TSPAN33: variants seen among roughly 807,000 people sequenced by gnomAD.
TSPAN33 encodes the protein tetraspanin-33.
A neutral mutation model predicts 34.8 loss-of-function variants in TSPAN33; 27 were observed. That is an observed-to-expected ratio of 0.78 (90% confidence interval 0.57 to 1.07). The LOEUF is 1.07. TSPAN33 is among the 50% of genes least tolerant of loss of function. The pLI, the probability that TSPAN33 is intolerant of heterozygous loss-of-function variation, is 0.00. For missense variants in TSPAN33, 272 were observed against 324.9 expected, an observed-to-expected ratio of 0.84 and a Z score of 1.25; for synonymous variants, 119 against 124.2, an observed-to-expected ratio of 0.96 and a Z score of 0.28.
At chr7:129,157,119 A>AC (rs1470549613) in intron 1 of TSPAN33, among the ~76,000 whole-genome samples, 2 of 152,212 alleles carry the variant, frequency 1.3e-5, no homozygotes, top group Non-Finnish European at 2.9e-5. Flanking sequence ...TAAGGATTTT[A>AC]CAGAAAATTC....
rs931316553 is a variant in TSPAN33, at chr7:129,167,153, T to C, written c.589-246T>C. Among the ~76,000 whole-genome samples the C allele has an allele frequency of 2.6e-5, 4 of 152,256 alleles. No individual in the cohort carries two copies. The highest frequency in any genetic ancestry group is 2.9e-5 in the Non-Finnish European group (2 of 68,046). On this transcript the variant is annotated intron_variant, in intron 6 of 7. Transcript: ENST00000486685. The surrounding 1 kb of genome is among the most constrained non-coding windows in gnomAD (Gnocchi z 4.6). ...ATTCAGTACCTGTGCAGGTTTGTTA[T>C]ATAAGTAAACTTGTGTCTTAGGGGT... is the stretch of plus-strand genomic sequence containing the variant.
chr7:129,149,529 G>A (rs966794688), intron 1 of TSPAN33, among the ~76,000 whole-genome samples: 1 of 152,054 alleles, frequency 6.6e-6, no homozygotes, highest in Admixed American at 6.6e-5. Context: ...TTCCACGCTG[G>A]GCAACAAAAG....
chr7:129,156,611 C>T (rs575960817), intron 1 of TSPAN33, among the ~76,000 whole-genome samples: 201 of 152,236 alleles, frequency 1.3e-3, no homozygotes, highest in Non-Finnish European at 2.2e-3. Flanking sequence ...TTCTTTATTT[C>T]GGTGCTCAAA....
At chr7:129,147,430 G>A (rs2150619648) in intron 1 of TSPAN33, among the ~76,000 whole-genome samples, 1 of 152,274 alleles carries the variant, frequency 6.6e-6, no homozygotes. Flanking sequence ...GTACTTTTCA[G>A]GTGTTATTGA....
rs1019047227 is a variant in TSPAN33 at position 129,148,796 on chromosome 7, C to A, written c.102+3714C>A. The stretch of plus-strand genomic sequence containing the variant: ...CAGGTCTTCCCTAGGCTGAGCCAAG[C>A]CACCAGTGGGGCATCTTCTTCAAGA... On this transcript the variant is annotated intron_variant, in intron 1 of 7. Coordinates refer to ENST00000486685, the MANE Select transcript of TSPAN33 (RefSeq NM_178562.5). The surrounding 1 kb of genome is among the most constrained non-coding windows in gnomAD (Gnocchi z 4.2). Among the ~76,000 whole-genome samples the A allele has an allele frequency of 6.6e-6, 1 of 152,214 alleles. No homozygotes were observed. Among genetic ancestry groups the A allele is most frequent in the African/African-American group, 2.4e-5 (1 of 41,440 alleles).
chr7:129,154,121 C>T (rs1403987759), intron 1 of TSPAN33, among the ~76,000 whole-genome samples: 1 of 151,702 alleles, frequency 6.6e-6, no homozygotes, highest in Non-Finnish European at 1.5e-5. Flanking sequence ...CACCATATGC[C>T]AGGAGTTTAA....
Position 129,161,716 on chromosome 7 carries a change from C to G in TSPAN33, c.140C>G (p.Ala47Gly). Residue 47 changes from alanine (A) to glycine (G), a missense_variant, in exon 2 of 8, where the codon GCT becomes GGT. Ala to Gly is a moderately conservative substitution (Grantham distance 60, BLOSUM62 0). Transcript: ENST00000486685. ...GTGATGGTGGCTGTGGGTGTCTACG[C>G]TCGGCTAATGAAGCATGCAGGTGAG... Reference protein sequence around the residue: ...SMVMVAVGVYARLMKHAEAAL... With the variant: ...SMVMVAVGVYGRLMKHAEAAL... The G allele has an allele frequency of 6.2e-7, 1 of 1,614,180 alleles. No individual in the cohort carries two copies. Among genetic ancestry groups the G allele is most frequent in the Non-Finnish European group, 8.5e-7 (1 of 1,180,018 alleles).
intron 1 of TSPAN33, among the ~76,000 whole-genome samples, chr7:129,152,503 A>C (rs1438746391): frequency 6.6e-6 from 1 of 152,170 alleles, no homozygotes; most frequent in Non-Finnish European, 1.5e-5. Flanking sequence ...CCCAGCCAAC[A>C]TAGGGAAATC....
At chr7:129,154,599 G>T (rs900567386) in intron 1 of TSPAN33, among the ~76,000 whole-genome samples, 1 of 151,820 alleles carries the variant, frequency 6.6e-6, no homozygotes, top group African/African-American at 2.4e-5. Context: ...AAATTAGCCG[G>T]GTGTGGTGGC....
chr7:129,160,213 A>T (rs911488870), intron 1 of TSPAN33, among the ~76,000 whole-genome samples: 8 of 152,076 alleles, frequency 5.3e-5, no homozygotes, highest in African/African-American at 1.9e-4. Flanking sequence ...GACTCATCTG[A>T]CCCTATTACC....
At chr7:129,164,747 G>T in intron 5 of TSPAN33, 178 bp downstream of exon 5, 1 of 588,684 alleles carries the variant, frequency 1.7e-6, no homozygotes, top group East Asian at 3.0e-5. Context: ...TAAAGACACA[G>T]AACAGTATAT....
chr7:129,156,374 C>T (rs1200298799), intron 1 of TSPAN33, among the ~76,000 whole-genome samples: 2 of 152,194 alleles, frequency 1.3e-5, no homozygotes, highest in African/African-American at 4.8e-5. Flanking sequence ...TAGCCTTTCT[C>T]CCCATGTTCC....
chr7:129,154,220 G>C (rs375020475), intron 1 of TSPAN33, among the ~76,000 whole-genome samples: 3 of 152,226 alleles, frequency 2.0e-5, no homozygotes, highest in East Asian at 3.9e-4. Flanking sequence ...TACTCAGGAG[G>C]CTGAGGCAGG....
chr7:129,160,490 C>T (rs1285939137), intron 1 of TSPAN33, among the ~76,000 whole-genome samples: 2 of 152,294 alleles, frequency 1.3e-5, no homozygotes, highest in South Asian at 4.1e-4. Flanking sequence ...TCTCCTGCAC[C>T]CCTGGAGGCC....
rs1173725157 is a variant in TSPAN33, at chr7:129,164,462, T to C, written c.364-12T>C. ...GTCCTGTGTTCTGATTCCTTGCCCA[T>C]GTCTCCGGCAGGCTCGAGGGAAAGT... On this transcript the variant is annotated splice_polypyrimidine_tract_variant and intron_variant, in intron 4 of 7. Coordinates refer to ENST00000486685, the MANE Select transcript of TSPAN33 (RefSeq NM_178562.5). 1.2e-6 allele frequency: 2 copies of C among 1,613,256 alleles called. No individual in the cohort carries two copies. The highest frequency in any genetic ancestry group is 1.7e-5 in the Admixed American group (1 of 59,996).
chr7:129,169,467 C>A lies in TSPAN33; in HGVS notation c.*1593C>A, dbSNP rs984193676. The A allele has an allele frequency of 1.3e-5, 2 of 152,286 alleles. No homozygotes were observed. Among genetic ancestry groups the A allele is most frequent in the African/African-American group, 4.8e-5 (2 of 41,456 alleles). The allele number at this position is 152,286 out of a possible 1,614,324, so 9.4% of individuals were successfully genotyped here. A position where few individuals can be genotyped will look rare whatever the true frequency, so the allele number is the denominator to read the frequency against. ...TTCCCGGAGTCTCCTCGCCGCACCC[C>A]GCTATCGGGCGCTCAGACCAGGGGC... is the stretch of plus-strand genomic sequence containing the variant. On this transcript the variant is annotated 3_prime_UTR_variant, in exon 8 of 8. Transcript: ENST00000486685.
chr7:129,169,313 G>C lies in TSPAN33; in HGVS notation c.*1439G>C, dbSNP rs935384635. 1.3e-5 allele frequency: 2 copies of C among 152,286 alleles called. No individual in the cohort carries two copies. Among genetic ancestry groups the C allele is most frequent in the South Asian group, 2.1e-4 (1 of 4,840 alleles). 9.4% of individuals were successfully genotyped at this position (152,286 alleles called of 1,614,324 possible). Reference sequence around the variant, plus strand: ...GGGAGGAGCGCGCGAGGCAGGCGGGGCGGGCGCGTCCGGGGCGGGGCGCTG... The same window carrying C: ...GGGAGGAGCGCGCGAGGCAGGCGGGCCGGGCGCGTCCGGGGCGGGGCGCTG... On this transcript the variant is annotated 3_prime_UTR_variant, in exon 8 of 8. Coordinates refer to ENST00000486685, the MANE Select transcript of TSPAN33 (RefSeq NM_178562.5).
At chr7:129,156,564 A>T (rs1450231627) in intron 1 of TSPAN33, among the ~76,000 whole-genome samples, 1 of 152,160 alleles carries the variant, frequency 6.6e-6, no homozygotes, top group Admixed American at 6.5e-5. Flanking sequence ...ATGGGCCCAC[A>T]GATGTGTATT....
chr7:129,160,761 G>C (rs2150626031), intron 1 of TSPAN33, among the ~76,000 whole-genome samples: 1 of 152,350 alleles, frequency 6.6e-6, no homozygotes, highest in East Asian at 1.9e-4. Flanking sequence ...AAGAGGGTTA[G>C]AGAGCTGGGA....
Sources: gnomAD v4.1 joint callset for allele counts (sites outside exome capture counted in the v4.1 genomes callset) on GRCh38, gnomAD v4.1.1 for gene constraint, Gnocchi (gnomAD v3.1) non-coding constraint, MANE v1.5 for transcripts, NCBI Gene and HGNC (gene_info 2026-07-23, HGNC 2026-07-21) for gene names.